Variants in R3HDM2 observed in about 807,000 individuals in gnomAD.
R3HDM2 encodes R3H domain-containing protein 2.
In R3HDM2, 38 loss-of-function variants were observed where a neutral mutation model predicts 124.5. The ratio of observed to expected loss-of-function variants is 0.31; its 90% CI spans 0.24 to 0.40. R3HDM2 has a LOEUF of 0.40. Ranked by LOEUF, R3HDM2 falls within the 10% of genes least tolerant of loss-of-function variation. The pLI, the probability that R3HDM2 is intolerant of heterozygous loss-of-function variation, is 1.00. For missense variants in R3HDM2, 869 were observed against 1,236.9 expected, an observed-to-expected ratio of 0.70 and a Z score of 4.46; for synonymous variants, 391 against 448.0, an observed-to-expected ratio of 0.87 and a Z score of 1.61.
intron 2 of R3HDM2, among the ~76,000 whole-genome samples, chr12:57,324,575 A>G (rs756572854): frequency 2.0e-5 from 3 of 152,224 alleles, no homozygotes; most frequent in Non-Finnish European, 2.9e-5. Context: ...ATCTGTAATA[A>G]TCATTAGTCC....
intron 2 of R3HDM2, among the ~76,000 whole-genome samples, chr12:57,345,072 G>A (rs1160619646): frequency 6.6e-6 from 1 of 152,050 alleles, no homozygotes; most frequent in African/African-American, 2.4e-5. Context: ...GACCTCGGGT[G>A]ATCTGCCTGC....
rs11321648 is a variant in R3HDM2, at chr12:57,277,099, CAAAAAAAA to C, written c.1344+3251_1344+3258del. Among the ~76,000 whole-genome samples the C allele has an allele frequency of 3.8e-5, 4 of 106,410 alleles. No individual in the cohort carries two copies. The South Asian group carries it at 9.6e-4, about 26-fold the overall frequency. 69.8% of individuals were successfully genotyped at this position (106,410 alleles called of 152,430 possible). The stretch of plus-strand genomic sequence containing the variant: ...AACTTATGGAAAAATAAATAATGAA[CAAAAAAAA>C]AAAAAAAAAAGACTGCCCTGAGGGA... On this transcript the variant is annotated intron_variant, in intron 14 of 23. Transcript: ENST00000402412.
At chr12:57,260,283 A>AAAAAAAAAAAAAAAAAAAAAAAC (rs2040419546) in intron 19 of R3HDM2, among the ~76,000 whole-genome samples, 1 of 147,250 alleles carries the variant, frequency 6.8e-6, no homozygotes, top group Non-Finnish European at 1.5e-5. Flanking sequence ...AAAAAAAAAA[A>AAAAAAAAAAAAAAAAAAAAAAAC]AAGCCTGCTG....
intron 2 of R3HDM2, among the ~76,000 whole-genome samples, chr12:57,384,362 A>G (rs909237793): frequency 2.6e-5 from 4 of 152,054 alleles, no homozygotes; most frequent in Middle Eastern, 3.4e-3. Flanking sequence ...TCAAAAAAAA[A>G]AAAAGAAAAG....
intron 2 of R3HDM2, among the ~76,000 whole-genome samples, chr12:57,349,571 T>C (rs1459537157): frequency 6.6e-6 from 1 of 151,000 alleles, no homozygotes; most frequent in African/African-American, 2.4e-5. Context: ...TGGTTGTTTT[T>C]TTTTTTTGAG....
intron 1 of R3HDM2, among the ~76,000 whole-genome samples, chr12:57,398,577 C>T (rs908277850): frequency 6.6e-6 from 1 of 151,918 alleles, no homozygotes; most frequent in Non-Finnish European, 1.5e-5. Flanking sequence ...CAACCTCCAC[C>T]TCCTGGGTTC....
At position 57,258,945 on chromosome 12, in the gene R3HDM2, A is replaced by G. The variant is rs2039927122; in HGVS notation, c.2246T>C (p.Met749Thr). The change falls in exon 20 of 24, where the codon ATG becomes ACG. Residue 749 changes from methionine to threonine, a missense_variant. By Grantham distance (81) the Met-to-Thr change is moderately conservative. Coordinates refer to ENST00000402412, the MANE Select transcript of R3HDM2 (RefSeq NM_001394031.1). The part of the protein sequence containing the change: ...VQWSHCKYYS[M>T]DQRGQKPGDL... ...TCCAGGCTTCTGCCCCCGCTGGTCC[A>G]TGCTGTAGTATTTACAATGACTCCA... The G allele has an allele frequency of 3.7e-6, 6 of 1,612,410 alleles. 1 individual carries two copies. Among genetic ancestry groups the G allele is most frequent in the Non-Finnish European group, 4.2e-6 (5 of 1,179,922 alleles).
chr12:57,297,285 C>G, intron 8 of R3HDM2, 43 bp downstream of exon 8: 58 of 998,830 alleles, frequency 5.8e-5, no homozygotes, highest in Non-Finnish European at 8.0e-5. Flanking sequence ...ATTTCCAGTG[C>G]CCCCTCCCAC....
At chr12:57,397,540 C>T (rs551034470) in intron 1 of R3HDM2, among the ~76,000 whole-genome samples, 2 of 152,238 alleles carry the variant, frequency 1.3e-5, no homozygotes, top group East Asian at 1.9e-4. Context: ...CTGCACATCA[C>T]GGTTTTGACA....
chr12:57,307,312 TTG>T (rs1243009149), intron 3 of R3HDM2, among the ~76,000 whole-genome samples: 13 of 144,870 alleles, frequency 9.0e-5, no homozygotes, highest in Admixed American at 2.9e-4. Flanking sequence ...CTGGGTTTTT[TTG>T]TTGTTGTTTT....
chr12:57,316,097 A>C (rs1336066600), intron 2 of R3HDM2, among the ~76,000 whole-genome samples: 1 of 152,206 alleles, frequency 6.6e-6, no homozygotes, highest in African/African-American at 2.4e-5. Flanking sequence ...ACCTGTCTCA[A>C]AAAAAATTTA....
intron 2 of R3HDM2, among the ~76,000 whole-genome samples, chr12:57,362,798 G>T (rs1406819314): frequency 6.6e-6 from 1 of 151,968 alleles, no homozygotes; most frequent in Non-Finnish European, 1.5e-5. Context: ...GATTTCTGAT[G>T]ATCTGCATTA....
At chr12:57,256,101 T>C (rs778342733) in intron 22 of R3HDM2, 27 bp from the exon 23 acceptor site, 1 of 1,595,816 alleles carries the variant, frequency 6.3e-7, no homozygotes, top group South Asian at 1.1e-5. Context: ...ACGACTCTCA[T>C]CCCATGTAAA....
chr12:57,280,284 A>C (rs2045826681), intron 14 of R3HDM2, 74 bp downstream of exon 14: 1 of 1,461,822 alleles, frequency 6.8e-7, no homozygotes, highest in South Asian at 1.4e-5. Context: ...CCCACAGCAC[A>C]AGAGACATGA....
chr12:57,284,129 C>A, intron 12 of R3HDM2, 73 bp from the exon 13 acceptor site: 1 of 1,302,256 alleles, frequency 7.7e-7, no homozygotes. Context: ...TAATTCATTT[C>A]TATTCTCTCA....
chr12:57,293,762 T>C (rs1218029047), intron 10 of R3HDM2, among the ~76,000 whole-genome samples: 1 of 152,242 alleles, frequency 6.6e-6, no homozygotes, highest in East Asian at 1.9e-4. Flanking sequence ...TGCTCTAGGC[T>C]GGTCTTCCTG....
chr12:57,386,910 G>A (rs2138545324), intron 2 of R3HDM2, among the ~76,000 whole-genome samples: 1 of 152,242 alleles, frequency 6.6e-6, no homozygotes, highest in African/African-American at 2.4e-5. Context: ...GTGGGGACTT[G>A]GAGAACCTTT....
At chr12:57,334,732 T>G (rs375391230) in intron 2 of R3HDM2, among the ~76,000 whole-genome samples, 2 of 152,108 alleles carry the variant, frequency 1.3e-5, no homozygotes, top group South Asian at 2.1e-4. Context: ...CCAGGATATA[T>G]TGAGGAATCA....
intron 14 of R3HDM2, among the ~76,000 whole-genome samples, chr12:57,279,102 T>A (rs1236492512): frequency 6.6e-6 from 1 of 150,900 alleles, no homozygotes; most frequent in Non-Finnish European, 1.5e-5. Flanking sequence ...GGGGCTCTCC[T>A]CAAAAAGAGC....
Sources: gnomAD v4.1 joint callset for allele counts (sites outside exome capture counted in the v4.1 genomes callset) on GRCh38, gnomAD v4.1.1 for gene constraint, MANE v1.5 for transcripts, NCBI Gene and HGNC (gene_info 2026-07-23, HGNC 2026-07-21) for gene names.